The following TXNDC16 variants were observed in gnomAD, a reference collection of about 807,000 sequenced individuals.
TXNDC16 encodes the protein thioredoxin domain containing 16, also known as thioredoxin domain-containing protein 16.
A neutral mutation model predicts 85.6 loss-of-function variants in TXNDC16; 74 were observed. The ratio of observed to expected loss-of-function variants is 0.86; its 90% CI spans 0.72 to 1.05. The LOEUF is 1.05. TXNDC16 is among the 50% of genes least tolerant of loss of function. TXNDC16 has a pLI of 0.00. For missense variants in TXNDC16, 959 were observed against 947.0 expected (o/e 1.01, Z -0.17); for synonymous variants, 335 against 326.5 (o/e 1.03, Z -0.28).
chr14:52,494,945 G>C (rs557763881), intron 9 of TXNDC16, among the ~76,000 whole-genome samples: 1 of 152,116 alleles, frequency 6.6e-6, no homozygotes, highest in African/African-American at 2.4e-5. Context: ...GCTTAAGGAG[G>C]GATACATCTA....
intron 6 of TXNDC16, among the ~76,000 whole-genome samples, chr14:52,532,205 A>G (rs2037597032): frequency 6.6e-6 from 1 of 152,130 alleles, no homozygotes; most frequent in Non-Finnish European, 1.5e-5. Flanking sequence ...AGAAATTAAT[A>G]AAAATAAAGT....
intron 18 of TXNDC16, among the ~76,000 whole-genome samples, chr14:52,444,352 T>C (rs548008832): frequency 1.1e-3 from 161 of 152,322 alleles, no homozygotes; most frequent in Admixed American, 1.6e-3. Context: ...TCAATGCTTA[T>C]GTAGTTAATT....
intron 16 of TXNDC16, among the ~76,000 whole-genome samples, chr14:52,463,778 C>T (rs183410989): frequency 1.4e-4 from 21 of 152,196 alleles, no homozygotes; most frequent in Admixed American, 4.6e-4. Flanking sequence ...AAATTTAACA[C>T]GAGTTAGCTT....
chr14:52,443,007 G>A (rs1044088539), intron 18 of TXNDC16, among the ~76,000 whole-genome samples: 4 of 152,146 alleles, frequency 2.6e-5, no homozygotes, highest in Non-Finnish European at 4.4e-5. Flanking sequence ...CACAAGGTAG[G>A]TGTGATGGTT....
chr14:52,519,042 T>A, intron 7 of TXNDC16, 130 bp downstream of exon 7: 1 of 953,480 alleles, frequency 1.0e-6, no homozygotes, highest in Non-Finnish European at 1.5e-6. Context: ...GAAAAATAGC[T>A]TAATAGTAAA....
intron 18 of TXNDC16, among the ~76,000 whole-genome samples, chr14:52,453,002 G>T (rs577721696): frequency 5.9e-5 from 9 of 151,952 alleles, no homozygotes; most frequent in Non-Finnish European, 1.2e-4. Flanking sequence ...GAAAAAATCT[G>T]ATTTAAAAAA....
chr14:52,516,189 T>A (rs1452202327), intron 7 of TXNDC16, among the ~76,000 whole-genome samples: 2 of 152,174 alleles, frequency 1.3e-5, no homozygotes, highest in Non-Finnish European at 2.9e-5. Flanking sequence ...CCCTCTCTTG[T>A]GTTGGGTCCT....
rs1322076664 is a variant in TXNDC16, at chr14:52,525,730, AATAATAATAATAAT to A, written c.393-6451_393-6438del. On this transcript the variant is annotated intron_variant, in intron 6 of 20. Transcript: ENST00000281741. Reference sequence around the variant, plus strand: ...TAATAATAATAATAATAATAATAATAATAATAATAATAATAAATAAAAATTTGTTGTTACTTTCC... The same window carrying A: ...TAATAATAATAATAATAATAATAATAAAATAAAAATTTGTTGTTACTTTCC... 1.9e-4 allele frequency among the ~76,000 whole-genome samples: 24 copies of A among 125,798 alleles called. No homozygotes were observed. The South Asian group carries it at 4.0e-3, about 21-fold the overall frequency. 82.5% of individuals were successfully genotyped at this position (125,798 alleles called of 152,430 possible).
At chr14:52,442,070 GA>G (rs1168880982) in intron 18 of TXNDC16, among the ~76,000 whole-genome samples, 2 of 151,302 alleles carry the variant, frequency 1.3e-5, no homozygotes, top group South Asian at 2.1e-4. Context: ...GGAATTGAAA[GA>G]AAAAAAATAA....
At chr14:52,548,729 A>C (rs1056395852) in intron 1 of TXNDC16, among the ~76,000 whole-genome samples, 6 of 152,000 alleles carry the variant, frequency 3.9e-5, no homozygotes, top group African/African-American at 1.5e-4. Flanking sequence ...AAAAATACAA[A>C]AAATTAGCTG....
At chr14:52,541,806 T>C (rs1427506401) in intron 4 of TXNDC16, among the ~76,000 whole-genome samples, 1 of 152,224 alleles carries the variant, frequency 6.6e-6, no homozygotes, top group Non-Finnish European at 1.5e-5. Flanking sequence ...TAATCCATGA[T>C]GCATGTGGAA....
chr14:52,446,025 C>A (rs2035275530), intron 18 of TXNDC16, among the ~76,000 whole-genome samples: 1 of 152,152 alleles, frequency 6.6e-6, no homozygotes, highest in Admixed American at 6.5e-5. Flanking sequence ...AGTACTCTAC[C>A]AGTCATCCCC....
Position 52,543,460 on chromosome 14 carries a change from G to A in TXNDC16, c.98C>T (p.Pro33Leu). ...TTGCAATGTACTAAAATATTTCTGA[G>A]GACTCAGTTCTGGTAAAGAGTTTAC... is the stretch of plus-strand genomic sequence containing the variant. ...PTVNSLPELS[P>L]QKYFSTLQPG... The change falls in exon 3 of 21, where the codon CCT (proline) becomes CTT (leucine). Residue 33 changes from proline to leucine, a missense_variant. By Grantham distance (98) the Pro-to-Leu change is moderately conservative. Transcript: ENST00000281741. The A allele has an allele frequency of 6.2e-7, 1 of 1,613,052 alleles. No individual in the cohort carries two copies. Among genetic ancestry groups the A allele is most frequent in the Admixed American group, 1.7e-5 (1 of 59,892 alleles).
chr14:52,484,881 CA>C (rs957049256), intron 12 of TXNDC16, among the ~76,000 whole-genome samples: 1 of 145,488 alleles, frequency 6.9e-6, no homozygotes, highest in African/African-American at 2.5e-5. Context: ...AACTCTGTCT[CA>C]AAAAAAAAGA....
At chr14:52,445,900 T>A (rs945433753) in intron 18 of TXNDC16, among the ~76,000 whole-genome samples, 2 of 152,190 alleles carry the variant, frequency 1.3e-5, no homozygotes, top group African/African-American at 4.8e-5. Flanking sequence ...TCAGAAGATA[T>A]CCTCGTTAAG....
In TXNDC16 at chr14:52,453,979, A is replaced by G. The variant is rs150575322; in HGVS notation, c.1842+1345T>C. On this transcript the variant is annotated intron_variant, in intron 18 of 20. Transcript: ENST00000281741. Reference sequence around the variant, plus strand: ...AAGAAGACCTAGTATTTGCCAGTATAACAGGGTGATATAGTAAAAAATAAT... The same window carrying G: ...AAGAAGACCTAGTATTTGCCAGTATGACAGGGTGATATAGTAAAAAATAAT... Among the ~76,000 whole-genome samples the G allele has an allele frequency of 2.9e-3, 439 of 152,364 alleles. 1 individual carries two copies. The highest frequency in any genetic ancestry group is 3.8e-3 in the Non-Finnish European group (261 of 68,022).
chr14:52,546,297 G>C (rs532735694), intron 1 of TXNDC16, among the ~76,000 whole-genome samples: 27 of 151,794 alleles, frequency 1.8e-4, no homozygotes, highest in African/African-American at 6.3e-4. Context: ...ACAAACAAAC[G>C]AACAAACAAA....
rs1594692369 is a variant in TXNDC16, at chr14:52,455,601, G to C, written c.1704-139C>G. 6 of 863,328 alleles carry C rather than the reference G, an allele frequency of 6.9e-6. No homozygotes were observed. In the East Asian group the frequency reaches 1.6e-4, roughly 23 times the overall value. 53.5% of individuals were successfully genotyped at this position (863,328 alleles called of 1,614,324 possible). A position where few individuals can be genotyped will look rare whatever the true frequency, so the allele number is the denominator to read the frequency against. ...AGGAAAAAAATGAACTCCATTTCCA[G>C]GCAAACTTATCTTCTATGACAACCT... On this transcript the variant is annotated intron_variant, in intron 17 of 20. Transcript: ENST00000281741.
intron 7 of TXNDC16, among the ~76,000 whole-genome samples, chr14:52,517,286 C>G (rs1466942814): frequency 6.6e-6 from 1 of 152,152 alleles, no homozygotes; most frequent in Non-Finnish European, 1.5e-5. Context: ...CTGTTCAATA[C>G]TTACAGCTGC....
Sources: gnomAD v4.1 joint callset for allele counts (sites outside exome capture counted in the v4.1 genomes callset) on GRCh38, gnomAD v4.1.1 for gene constraint, MANE v1.5 for transcripts, NCBI Gene and HGNC (gene_info 2026-07-23, HGNC 2026-07-21) for gene names.